LRP1B: variants seen among roughly 807,000 people sequenced by gnomAD.
LRP1B encodes LDL receptor related protein 1B.
In LRP1B, 217 loss-of-function variants were observed where a neutral mutation model predicts 556.6. The ratio of observed to expected loss-of-function variants is 0.39; its 90% CI spans 0.35 to 0.44. The LOEUF (loss-of-function observed/expected upper bound fraction) is 0.44, where lower values mean the gene tolerates loss of function less well. Ranked by LOEUF, LRP1B falls within the 20% of genes least tolerant of loss-of-function variation. The probability of loss-of-function intolerance (pLI) is 1.00; values close to 1 mark genes in which losing one functional copy is unlikely to be tolerated. For missense variants in LRP1B, 5,053 were observed against 5,620.8 expected (o/e 0.90, Z 3.23); for synonymous variants, 2,047 against 1,865.8 (o/e 1.10, Z -2.50).
chr2:140,429,569 C>T (rs895034843), intron 66 of LRP1B, among the ~76,000 whole-genome samples: 4 of 152,122 alleles, frequency 2.6e-5, no homozygotes, highest in African/African-American at 4.8e-5. Flanking sequence ...TTACCTATCT[C>T]GGCATAATTC....
chr2:140,539,234 A>G (rs1319557382), intron 45 of LRP1B, among the ~76,000 whole-genome samples: 1 of 152,142 alleles, frequency 6.6e-6, no homozygotes, highest in East Asian at 1.9e-4. Context: ...TAATGCTGCC[A>G]TTAACATTCA....
intron 79 of LRP1B, among the ~76,000 whole-genome samples, chr2:140,331,564 A>G (rs1306073887): frequency 6.6e-6 from 1 of 151,800 alleles, no homozygotes; most frequent in African/African-American, 2.4e-5. Context: ...GCCCTTCTAC[A>G]TGTGCCATGA....
chr2:142,056,572 G>A (rs1447772584), intron 1 of LRP1B, among the ~76,000 whole-genome samples: 1 of 152,052 alleles, frequency 6.6e-6, no homozygotes. Flanking sequence ...TCTGGACAGG[G>A]AAGTAGTACA....
At chr2:141,108,940 G>C (rs1044221521) in intron 7 of LRP1B, among the ~76,000 whole-genome samples, 1 of 152,168 alleles carries the variant, frequency 6.6e-6, no homozygotes, top group African/African-American at 2.4e-5. Flanking sequence ...TTAGGAGTAT[G>C]ATGGGAACCT....
chr2:140,577,652 C>T (rs1178520589), intron 43 of LRP1B, among the ~76,000 whole-genome samples: 1 of 151,922 alleles, frequency 6.6e-6, no homozygotes, highest in Non-Finnish European at 1.5e-5. Flanking sequence ...AACTCCTGGG[C>T]TCAGGGGATT....
chr2:141,086,721 A>C (rs1700055976), intron 7 of LRP1B, among the ~76,000 whole-genome samples: 1 of 152,046 alleles, frequency 6.6e-6, no homozygotes, highest in Non-Finnish European at 1.5e-5. Flanking sequence ...TCATATGAGG[A>C]TCACCACATT....
chr2:141,817,686 A>G (rs911048112), intron 1 of LRP1B, among the ~76,000 whole-genome samples: 2 of 152,128 alleles, frequency 1.3e-5, no homozygotes, highest in African/African-American at 4.8e-5. Flanking sequence ...CTGCACAACT[A>G]TGTAGCCCCC....
At chr2:141,077,549 G>T (rs1230526371) in intron 7 of LRP1B, among the ~76,000 whole-genome samples, 1 of 152,112 alleles carries the variant, frequency 6.6e-6, no homozygotes, top group Non-Finnish European at 1.5e-5. Context: ...TGTTTTGAGG[G>T]TACTTCGTGT....
chr2:140,755,721 G>A (rs1482302409), intron 35 of LRP1B, among the ~76,000 whole-genome samples: 1 of 151,944 alleles, frequency 6.6e-6, no homozygotes, highest in Admixed American at 6.6e-5. Flanking sequence ...ATATCATATA[G>A]TTAATGGATA....
Position 140,642,833 on chromosome 2 carries a change from GA to G in LRP1B, c.6800-41195del, listed in dbSNP as rs571945904. Among the ~76,000 whole-genome samples the G allele has an allele frequency of 3.5e-4, 54 of 152,158 alleles. No individual in the cohort carries two copies. The South Asian group carries it at 7.5e-3, about 21-fold the overall frequency. On this transcript the variant is annotated intron_variant, in intron 41 of 90. Transcript: ENST00000389484. The stretch of plus-strand genomic sequence containing the variant: ...CCCTCCAGCCTGGGCGACAGAGCGA[GA>G]CTCTGTCTCAGAAAAACAAACAAAC...
intron 7 of LRP1B, among the ~76,000 whole-genome samples, chr2:141,180,190 T>C (rs975916105): frequency 5.9e-5 from 9 of 151,840 alleles, no homozygotes; most frequent in Non-Finnish European, 2.9e-5. Context: ...TATCTTCTCA[T>C]TGCAATATTT....
At chr2:140,691,015 C>T (rs968323388) in intron 41 of LRP1B, among the ~76,000 whole-genome samples, 2 of 152,030 alleles carry the variant, frequency 1.3e-5, no homozygotes, top group African/African-American at 4.8e-5. Context: ...ATTCTATGAT[C>T]AAATTAAAAC....
Position 141,572,113 on chromosome 2 carries a change from C to T in LRP1B, c.206-91580G>A, listed in dbSNP as rs1306658547. ...AAGATACTCCACGAGAAGATCAACC[C>T]CAAGAAACATAATCATCAGATTCTC... is the stretch of plus-strand genomic sequence containing the variant. On this transcript the variant is annotated intron_variant, in intron 2 of 90. Coordinates refer to ENST00000389484, the MANE Select transcript of LRP1B (RefSeq NM_018557.3). Among the ~76,000 whole-genome samples the T allele has an allele frequency of 2.0e-5, 3 of 152,002 alleles. No homozygotes were observed. In the East Asian group the frequency reaches 5.8e-4, roughly 29 times the overall value.
chr2:141,238,866 TAGAA>T (rs1264944464), intron 5 of LRP1B, among the ~76,000 whole-genome samples: 1 of 152,078 alleles, frequency 6.6e-6, no homozygotes, highest in Non-Finnish European at 1.5e-5. Flanking sequence ...ATTATTAAGA[TAGAA>T]AATCAAAAGT....
intron 18 of LRP1B, among the ~76,000 whole-genome samples, chr2:140,971,770 T>C (rs532928131): frequency 4.6e-5 from 7 of 152,162 alleles, no homozygotes; most frequent in African/African-American, 1.7e-4. Context: ...AGAGGTGGAG[T>C]TTGCAGTGAG....
intron 20 of LRP1B, among the ~76,000 whole-genome samples, chr2:140,927,765 A>C (rs1016230363): frequency 2.8e-5 from 4 of 141,942 alleles, no homozygotes; most frequent in Non-Finnish European, 6.0e-5. Flanking sequence ...GGAGTGCAAT[A>C]GTGCAATCTT....
At chr2:141,776,320 T>G (rs566619873) in intron 2 of LRP1B, among the ~76,000 whole-genome samples, 1 of 152,348 alleles carries the variant, frequency 6.6e-6, no homozygotes, top group African/African-American at 2.4e-5. Flanking sequence ...GCAATTAACT[T>G]GTTTTTCTCC....
chr2:141,547,812 A>G lies in LRP1B; in HGVS notation c.206-67279T>C, dbSNP rs572886666. Among the ~76,000 whole-genome samples, 3 of 152,218 alleles carry G rather than the reference A, an allele frequency of 2.0e-5. No individual in the cohort carries two copies. In the South Asian group the frequency reaches 6.2e-4, roughly 32 times the overall value. On this transcript the variant is annotated intron_variant, in intron 2 of 90. Coordinates refer to ENST00000389484, the MANE Select transcript of LRP1B (RefSeq NM_018557.3). ...CCTGAATCAATTATCTATTTAATTT[A>G]TTATAGTAAGTGTGGATACAAAGAT...
intron 9 of LRP1B, among the ~76,000 whole-genome samples, chr2:141,057,285 T>C (rs182680671): frequency 4.6e-5 from 7 of 152,028 alleles, no homozygotes; most frequent in Admixed American, 3.3e-4. Flanking sequence ...CTTGTTATGG[T>C]CCTCCTTTGT....
Sources: gnomAD v4.1 joint callset for allele counts (sites outside exome capture counted in the v4.1 genomes callset) on GRCh38, gnomAD v4.1.1 for gene constraint, MANE v1.5 for transcripts, NCBI Gene and HGNC (gene_info 2026-07-23, HGNC 2026-07-21) for gene names.